GLYATL1B: variants seen among roughly 807,000 people sequenced by gnomAD.
GLYATL1B encodes the protein glycine-N-acyltransferase like 1B.
GLYATL1B carries 6 observed loss-of-function variants against 5.5 expected under a neutral mutation model. The ratio of observed to expected loss-of-function variants is 1.09; its 90% CI spans 0.60 to 2.15. The LOEUF (loss-of-function observed/expected upper bound fraction) is 2.15. Ranked by LOEUF, GLYATL1B falls within the 30% of genes most tolerant of loss-of-function variation. The pLI is 0.00. For missense variants in GLYATL1B, 135 were observed against 94.1 expected (o/e 1.43, Z -1.80); for synonymous variants, 67 against 34.9 (o/e 1.92, Z -3.24).
chr11:59,092,747 C>T (rs558424456), intron 2 of GLYATL1B, among the ~76,000 whole-genome samples: 57 of 152,288 alleles, frequency 3.7e-4, no homozygotes, highest in Non-Finnish European at 4.9e-4. Flanking sequence ...ACATAAATTG[C>T]GCAGAGTGCT....
chr11:59,090,931 G>C (rs962741256), intron 2 of GLYATL1B, among the ~76,000 whole-genome samples: 1 of 152,060 alleles, frequency 6.6e-6, no homozygotes, highest in African/African-American at 2.4e-5. Context: ...TACAGGCTTA[G>C]AGCACTTTCC....
chr11:59,094,780 A>G lies in GLYATL1B; in HGVS notation c.903A>G (p.Pro301=), dbSNP rs1178766319. 48 of 464,674 alleles carry G rather than the reference A, an allele frequency of 1.0e-4. No homozygotes were observed. The highest frequency in any genetic ancestry group is 8.9e-4 in the South Asian group (12 of 13,532). 28.8% of individuals were successfully genotyped at this position (464,674 alleles called of 1,614,324 possible). A position where few individuals can be genotyped will look rare whatever the true frequency, so the allele number is the denominator to read the frequency against. The change falls in exon 5 of 5, where the codon CCA becomes CCG. Residue 301 remains proline, a synonymous_variant. Coordinates refer to ENST00000527482, the MANE Select transcript of GLYATL1B (RefSeq NM_001355566.1). ...QWNCYPQNLV[P]L is the part of the protein sequence containing the mutation. The stretch of plus-strand genomic sequence containing the variant: ...ACTGCTACCCACAGAATCTTGTTCC[A>G]TTGTAGACAATGAAGCTGCTTAGCA...
chr11:59,087,922 C>T (rs1054521159), intron 2 of GLYATL1B, among the ~76,000 whole-genome samples: 1 of 152,182 alleles, frequency 6.6e-6, no homozygotes. Flanking sequence ...TGTGGAAGCA[C>T]CTCACTCGTT....
At chr11:59,093,454 T>A (rs1565178040) in intron 2 of GLYATL1B, 75 bp from the exon 3 acceptor site, 15 of 457,238 alleles carry the variant, frequency 3.3e-5, no homozygotes, top group Non-Finnish European at 5.6e-5. Flanking sequence ...ATTTTCATTT[T>A]TCTAATAATT....
intron 2 of GLYATL1B, 91 bp downstream of exon 2, chr11:59,087,262 G>A (rs1859209965): frequency 2.2e-6 from 1 of 446,574 alleles, no homozygotes; most frequent in Non-Finnish European, 4.0e-6. Flanking sequence ...CTTTTATAGG[G>A]TGAAAGGAAA....
In GLYATL1B at chr11:59,094,711, T is replaced by G. The variant is rs1456883081; in HGVS notation, c.834T>G (p.Ser278Arg). 7.0e-5 allele frequency: 32 copies of G among 457,580 alleles called. No homozygotes were observed. Among genetic ancestry groups the G allele is most frequent in the African/African-American group, 5.2e-4 (26 of 50,420 alleles). 28.3% of individuals were successfully genotyped at this position (457,580 alleles called of 1,614,324 possible). A position where few individuals can be genotyped will look rare whatever the true frequency, so the allele number is the denominator to read the frequency against. ...EENQGVIRKT[S>R]ALGFLEASCQ... is the part of the protein sequence containing the mutation. ...ATCAAGGCGTCATCAGAAAGACTAG[T>G]GCACTAGGTTTCCTTGAGGCCTCCT... is the stretch of plus-strand genomic sequence containing the variant. Residue 278 changes from serine (S) to arginine (R), a missense_variant, in exon 5 of 5, where the codon AGT becomes AGG. By Grantham distance (110) the Ser-to-Arg change is moderately radical. Coordinates refer to ENST00000527482, the MANE Select transcript of GLYATL1B (RefSeq NM_001355566.1).
chr11:59,088,028 G>C (rs991244274), intron 2 of GLYATL1B, among the ~76,000 whole-genome samples: 1 of 152,170 alleles, frequency 6.6e-6, no homozygotes, highest in Non-Finnish European at 1.5e-5. Context: ...CAGTCAGGTA[G>C]CTGCTGGATA....
At chr11:59,087,340 C>T (rs1859211179) in intron 2 of GLYATL1B, among the ~76,000 whole-genome samples, 169 bp downstream of exon 2, 1 of 151,582 alleles carries the variant, frequency 6.6e-6, no homozygotes, top group Admixed American at 6.6e-5. Flanking sequence ...TAACACTCTT[C>T]CTGTAAAGCA....
intron 2 of GLYATL1B, 99 bp downstream of exon 2, chr11:59,087,270 A>T: frequency 2.3e-6 from 1 of 442,010 alleles, no homozygotes; most frequent in Non-Finnish European, 4.0e-6. Context: ...GGGTGAAAGG[A>T]AATGTGAGTA....
intron 2 of GLYATL1B, among the ~76,000 whole-genome samples, chr11:59,088,797 C>A (rs1859246843): frequency 1.3e-5 from 2 of 152,138 alleles, no homozygotes; most frequent in Non-Finnish European, 2.9e-5. Flanking sequence ...AAATATGCTG[C>A]AATTTACTTG....
intron 2 of GLYATL1B, among the ~76,000 whole-genome samples, chr11:59,089,248 C>G (rs2135381951): frequency 6.6e-6 from 1 of 152,322 alleles, no homozygotes; most frequent in South Asian, 2.1e-4. Flanking sequence ...TTTAGTCAGT[C>G]ATTCTCCTCC....
At chr11:59,087,201 C>G (rs1374564192) in intron 2 of GLYATL1B, 30 bp downstream of exon 2, 1 of 546,500 alleles carries the variant, frequency 1.8e-6, no homozygotes, top group Admixed American at 2.7e-5. Flanking sequence ...CTGGTGGAGC[C>G]AGGCAGGTCC....
chr11:59,087,839 C>A (rs911827944), intron 2 of GLYATL1B, among the ~76,000 whole-genome samples: 4 of 152,130 alleles, frequency 2.6e-5, no homozygotes, highest in Admixed American at 6.5e-5. Context: ...CAGAGTGAGA[C>A]CCTGTCATGA....
At chr11:59,087,193 G>C (rs1000755240) in intron 2 of GLYATL1B, 22 bp downstream of exon 2, 1 of 564,340 alleles carries the variant, frequency 1.8e-6, no homozygotes, top group African/African-American at 1.8e-5. Flanking sequence ...GACAGGGACT[G>C]GTGGAGCCAG....
intron 2 of GLYATL1B, among the ~76,000 whole-genome samples, chr11:59,089,865 T>C (rs1006225151): frequency 2.0e-5 from 3 of 152,096 alleles, no homozygotes; most frequent in Admixed American, 1.3e-4. Context: ...TCCTGAGGCT[T>C]TGGGAGTTTT....
At chr11:59,092,535 T>G (rs1249294541) in intron 2 of GLYATL1B, among the ~76,000 whole-genome samples, 2 of 152,206 alleles carry the variant, frequency 1.3e-5, no homozygotes, top group Non-Finnish European at 1.5e-5. Flanking sequence ...TCTTGAAGGT[T>G]TCTTTAAAAT....
chr11:59,094,073 C>T lies in GLYATL1B; in HGVS notation c.453C>T (p.Ser151=). 1 of 657,524 alleles carries T rather than the reference C, an allele frequency of 1.5e-6. No individual in the cohort carries two copies. Among genetic ancestry groups the T allele is most frequent in the Non-Finnish European group, 2.7e-6 (1 of 363,720 alleles). 40.7% of individuals were successfully genotyped at this position (657,524 alleles called of 1,614,324 possible). A position where few individuals can be genotyped will look rare whatever the true frequency, so the allele number is the denominator to read the frequency against. ...LYATNKSKLG[S]WAETGHPDDE... ...CCACCAATAAAAGCAAGCTTGGAAG[C>T]TGGGCTGAGACAGGCCACCCAGATG... The change falls in exon 4 of 5, where the codon AGC becomes AGT. Residue 151 remains serine (S), a synonymous_variant. Coordinates refer to ENST00000527482, the MANE Select transcript of GLYATL1B (RefSeq NM_001355566.1).
Position 59,086,363 on chromosome 11 carries a change from G to C in GLYATL1B, c.57G>C (p.Arg19Ser). Residue 19 changes from arginine to serine, a missense_variant, in exon 1 of 5, where the codon AGG (arginine) becomes AGC (serine). Transcript: ENST00000527482. Reference sequence around the variant, plus strand: ...TGGCCCTATTCAAATCTTTAGCAAGGAGCATTCCTGAGTCCCTGAAGGTGA... The same window carrying C: ...TGGCCCTATTCAAATCTTTAGCAAGCAGCATTCCTGAGTCCCTGAAGGTGA... ...RLLALFKSLARSIPESLKVYG... is the reference protein window; with the variant it reads ...RLLALFKSLASSIPESLKVYG... 2.5e-6 allele frequency: 1 copy of C among 398,936 alleles called. No individual in the cohort carries two copies. Among genetic ancestry groups the C allele is most frequent in the Non-Finnish European group, 4.4e-6 (1 of 225,848 alleles). 24.7% of individuals were successfully genotyped at this position (398,936 alleles called of 1,614,324 possible).
intron 2 of GLYATL1B, among the ~76,000 whole-genome samples, chr11:59,087,480 GA>G (rs57104177): frequency 0.042 from 6,449 of 152,066 alleles, 342 homozygotes; most frequent in East Asian, 0.26. Flanking sequence ...AATTTACAGG[GA>G]AAGTTGGCTG....
Sources: gnomAD v4.1 joint callset for allele counts (sites outside exome capture counted in the v4.1 genomes callset) on GRCh38, gnomAD v4.1.1 for gene constraint, MANE v1.5 for transcripts, NCBI Gene and HGNC (gene_info 2026-07-23, HGNC 2026-07-21) for gene names.